WDR33: variants seen among roughly 807,000 people sequenced by gnomAD.
WDR33 encodes WD repeat domain 33, also known as pre-mRNA 3' end processing protein WDR33.
In WDR33, 47 loss-of-function variants were observed where a neutral mutation model predicts 164.9. The ratio of observed to expected loss-of-function variants is 0.29; its 90% CI spans 0.23 to 0.36. The LOEUF is 0.36. Among genes scored for constraint, WDR33 ranks in the 10% least tolerant of loss-of-function variants. WDR33 has a pLI of 1.00. For synonymous variants in WDR33, 505 were observed against 589.0 expected, an observed-to-expected ratio of 0.86 and a Z score of 2.06; for missense variants, 1,137 against 1,754.1, an observed-to-expected ratio of 0.65 and a Z score of 6.28.
At chr2:127,782,738 G>A (rs549956116) in intron 1 of WDR33, among the ~76,000 whole-genome samples, 17 of 152,288 alleles carry the variant, frequency 1.1e-4, no homozygotes, top group African/African-American at 2.2e-4. Context: ...AGCCAGGAGC[G>A]GTGGCTCACG....
intron 1 of WDR33, among the ~76,000 whole-genome samples, chr2:127,786,475 G>A (rs1464152529): frequency 6.6e-6 from 1 of 152,168 alleles, no homozygotes; most frequent in East Asian, 1.9e-4. Context: ...TTGAGGCCAG[G>A]AGTTCAAGAC....
At position 127,720,485 on chromosome 2, in the gene WDR33, G is replaced by T; in HGVS notation, c.1672-132C>A. 1 of 1,098,704 alleles carries T rather than the reference G, an allele frequency of 9.1e-7. No individual in the cohort carries two copies. Among genetic ancestry groups the T allele is most frequent in the Non-Finnish European group, 1.2e-6 (1 of 824,118 alleles). 68.1% of individuals were successfully genotyped at this position (1,098,704 alleles called of 1,614,324 possible). A position where few individuals can be genotyped will look rare whatever the true frequency, so the allele number is the denominator to read the frequency against. ...CTGCTCAAACTCTTCACGCTCCAGT[G>T]GTAATTAGAGTCCATGCAACACTCA... On this transcript the variant is annotated intron_variant, in intron 15 of 21. Coordinates refer to ENST00000322313, the MANE Select transcript of WDR33 (RefSeq NM_018383.5). This position sits in a 1 kb window ranked among gnomAD's most constrained non-coding sequence, Gnocchi z 5.9.
Position 127,708,406 on chromosome 2 carries a change from C to G in WDR33, c.3781+271G>C, listed in dbSNP as rs897843145. 3.3e-5 allele frequency among the ~76,000 whole-genome samples: 5 copies of G among 152,210 alleles called. No homozygotes were observed. The highest frequency in any genetic ancestry group is 7.3e-5 in the Non-Finnish European group (5 of 68,042). ...CAGACTGCCAAGGAGAGCAGGGCTC[C>G]CAGACAGCAAGCCGAGCAGAGAGTG... On this transcript the variant is annotated intron_variant, in intron 21 of 21. Coordinates refer to ENST00000322313, the MANE Select transcript of WDR33 (RefSeq NM_018383.5). This position sits in a 1 kb window ranked among gnomAD's most constrained non-coding sequence, Gnocchi z 6.7.
At position 127,701,765 on chromosome 2, in the gene WDR33, G is replaced by T; in HGVS notation, c.*4558C>A. 7.0e-7 allele frequency: 1 copy of T among 1,424,860 alleles called. No homozygotes were observed. Among genetic ancestry groups the T allele is most frequent in the Non-Finnish European group, 9.2e-7 (1 of 1,088,940 alleles). 88.3% of individuals were successfully genotyped at this position (1,424,860 alleles called of 1,614,324 possible). ...TGACGCGCGGGCAGCGGCTGGCGGC[G>T]GGCGGCGGGTGCCTGCTGCTGGCTG... On this transcript the variant is annotated 3_prime_UTR_variant, in exon 22 of 22. Transcript: ENST00000322313.
At chr2:127,737,944 T>C in intron 7 of WDR33, 1 of 1,593,234 alleles carries the variant, frequency 6.3e-7, no homozygotes, top group Non-Finnish European at 8.5e-7. Context: ...CAGAATCTTC[T>C]TGGGTATATT....
At position 127,717,159 on chromosome 2, in the gene WDR33, G is replaced by T; in HGVS notation, c.2865C>A (p.Asn955Lys). ...PLNPGQGPGP[N>K]KGDSRGPPNH... ...TTCAGCTGAGCAGATATTTACCTTT[G>T]TTGGGGCCAGGTCCTTGTCCGGGGT... is the stretch of plus-strand genomic sequence containing the variant. The change falls in exon 17 of 22, where the codon AAC becomes AAA. Residue 955 changes from asparagine (N) to lysine (K), a missense_variant. Physicochemically the swap from Asn to Lys is moderately conservative, Grantham distance 94. Around this residue, in one of 9 missense-constraint regions of WDR33, gnomAD observed 867 missense variants for 1,073.0 expected, o/e 0.81. Coordinates refer to ENST00000322313, the MANE Select transcript of WDR33 (RefSeq NM_018383.5). The surrounding 1 kb of genome is among the most constrained non-coding windows in gnomAD (Gnocchi z 5.6). The T allele has an allele frequency of 6.2e-7, 1 of 1,601,864 alleles. No individual in the cohort carries two copies. Among genetic ancestry groups the T allele is most frequent in the South Asian group, 1.1e-5 (1 of 88,786 alleles).
chr2:127,752,024 T>C (rs1220520330), intron 7 of WDR33, among the ~76,000 whole-genome samples: 1 of 151,950 alleles, frequency 6.6e-6, no homozygotes, highest in South Asian at 2.1e-4. Flanking sequence ...ACAAGGAGAG[T>C]CCAAACAAGA....
At chr2:127,774,210 C>G (rs1327850053) in intron 1 of WDR33, among the ~76,000 whole-genome samples, 1 of 151,836 alleles carries the variant, frequency 6.6e-6, no homozygotes, top group Non-Finnish European at 1.5e-5. Context: ...TGCCACCATG[C>G]CTGGCTAATT....
At chr2:127,795,094 T>C (rs2105486607) in intron 1 of WDR33, among the ~76,000 whole-genome samples, 1 of 139,202 alleles carries the variant, frequency 7.2e-6, no homozygotes, top group East Asian at 2.0e-4. Context: ...TATGAAGCAA[T>C]AACTTCTCTT....
At chr2:127,734,918 A>G (rs1032801380) in intron 7 of WDR33, among the ~76,000 whole-genome samples, 2 of 152,230 alleles carry the variant, frequency 1.3e-5, no homozygotes, top group Non-Finnish European at 2.9e-5. Context: ...TGCAAACAAG[A>G]TAATTTTCCT....
At chr2:127,711,751 G>GATATATATATATAGATATATATAT (rs1686170287) in intron 18 of WDR33, among the ~76,000 whole-genome samples, 3 of 71,636 alleles carry the variant, frequency 4.2e-5, no homozygotes, top group African/African-American at 3.0e-4. Context: ...CACATATACA[G>GATATATATATATAGATATATATAT]ATATATATAT....
chr2:127,727,906 C>T (rs576628223), intron 7 of WDR33, among the ~76,000 whole-genome samples: 18 of 152,202 alleles, frequency 1.2e-4, no homozygotes, highest in South Asian at 1.0e-3. Flanking sequence ...AAAGAAGAGA[C>T]GGGGTAGAGG....
intron 1 of WDR33, among the ~76,000 whole-genome samples, chr2:127,789,827 T>C (rs1208094514): frequency 2.0e-5 from 3 of 151,866 alleles, no homozygotes; most frequent in East Asian, 1.9e-4. Flanking sequence ...TTTCTATTAC[T>C]GGTTTGCTAA....
At chr2:127,750,680 ATAT>A (rs1687312152) in intron 7 of WDR33, among the ~76,000 whole-genome samples, 70 of 33,304 alleles carry the variant, frequency 2.1e-3, no homozygotes, top group African/African-American at 7.9e-3. Context: ...AAAAAAAAAT[ATAT>A]ATATATATAT....
At chr2:127,743,484 A>G (rs958759987) in intron 7 of WDR33, among the ~76,000 whole-genome samples, 2 of 152,184 alleles carry the variant, frequency 1.3e-5, no homozygotes, top group Non-Finnish European at 2.9e-5. Flanking sequence ...TCTGTTATCA[A>G]TAGTATCATT....
rs116684222 is a variant in WDR33 at position 127,761,627 on chromosome 2, C to T, written c.724+1435G>A. On this transcript the variant is annotated intron_variant, in intron 7 of 21. Transcript: ENST00000322313. ...AGACTAATAGTGAGGAAAGATTCAA[C>T]ATAAGTGTGGCATTAGGCTGGGAGT... Among the ~76,000 whole-genome samples the T allele has an allele frequency of 5.1e-3, 783 of 152,302 alleles. 7 individuals are homozygous for T. Among genetic ancestry groups the T allele is most frequent in the African/African-American group, 0.017 (713 of 41,566 alleles).
In WDR33 at chr2:127,709,867, A is replaced by G. The variant is rs1247024497; in HGVS notation, c.3309-11T>C. On this transcript the variant is annotated splice_polypyrimidine_tract_variant and intron_variant, in intron 18 of 21. Coordinates refer to ENST00000322313, the MANE Select transcript of WDR33 (RefSeq NM_018383.5). The surrounding 1 kb of genome is among the most constrained non-coding windows in gnomAD (Gnocchi z 5.0). ...GCTCCTCTTCTGAAACTGTAAAGAG[A>G]AAACAGCAGAATGTCCATCTCAGAG... 1 of 1,612,884 alleles carries G rather than the reference A, an allele frequency of 6.2e-7. No individual in the cohort carries two copies. The highest frequency in any genetic ancestry group is 1.3e-5 in the African/African-American group (1 of 74,800).
chr2:127,730,078 GGA>G (rs1245840250), intron 7 of WDR33, among the ~76,000 whole-genome samples: 1 of 152,104 alleles, frequency 6.6e-6, no homozygotes, highest in Non-Finnish European at 1.5e-5. Context: ...AGGGAAAGAA[GGA>G]GACTTTTCAC....
At chr2:127,773,413 T>TAAC (rs10650957) in intron 1 of WDR33, among the ~76,000 whole-genome samples, 46,693 of 151,710 alleles carry the variant, frequency 0.31, 8,301 homozygotes, top group South Asian at 0.49. Flanking sequence ...TGAATAATAA[T>TAAC]AACAACAAGG....
Sources: allele counts gnomAD v4.1 joint callset (sites outside exome capture counted in the v4.1 genomes callset), GRCh38; gene constraint gnomAD v4.1.1; regional missense constraint gnomAD v4.1.1; non-coding constraint Gnocchi (gnomAD v3.1); transcripts MANE v1.5; gene names NCBI Gene and HGNC (gene_info 2026-07-23, HGNC 2026-07-21).